Variants in NTRK3 observed in about 807,000 individuals in gnomAD.
NTRK3 encodes the protein neurotrophic receptor tyrosine kinase 3.
In NTRK3, 24 loss-of-function variants were observed where a neutral mutation model predicts 91.7. The ratio of observed to expected loss-of-function variants is 0.26; its 90% CI spans 0.19 to 0.37. The LOEUF (loss-of-function observed/expected upper bound fraction) is 0.37. NTRK3 is among the 10% of genes least tolerant of loss of function. The probability of loss-of-function intolerance (pLI) is 1.00; values close to 1 mark genes in which losing one functional copy is unlikely to be tolerated. For missense variants in NTRK3, 880 were observed against 1,068.9 expected, an observed-to-expected ratio of 0.82 and a Z score of 2.46; for synonymous variants, 483 against 404.0, an observed-to-expected ratio of 1.20 and a Z score of -2.34.
chr15:88,247,792 G>A (rs868713521), intron 3 of NTRK3, among the ~76,000 whole-genome samples: 4 of 152,256 alleles, frequency 2.6e-5, no homozygotes, highest in Middle Eastern at 3.4e-3. Flanking sequence ...CCCACACTAA[G>A]AGCTCATCCC....
At chr15:88,085,820 T>C (rs1199854992) in intron 13 of NTRK3, among the ~76,000 whole-genome samples, 2 of 152,232 alleles carry the variant, frequency 1.3e-5, no homozygotes, top group African/African-American at 4.8e-5. Context: ...TGTTCGTTTA[T>C]TACTTCATTC....
chr15:87,962,261 T>C (rs188200570), intron 14 of NTRK3, among the ~76,000 whole-genome samples: 1 of 152,184 alleles, frequency 6.6e-6, no homozygotes, highest in African/African-American at 2.4e-5. Flanking sequence ...TGCTCTGCTG[T>C]CTAAAGACCT....
intron 13 of NTRK3, among the ~76,000 whole-genome samples, chr15:88,036,454 C>A (rs1357523238): frequency 2.0e-5 from 3 of 151,220 alleles, no homozygotes; most frequent in African/African-American, 7.3e-5. Context: ...ACTCTAAGAA[C>A]AAAATAAAAG....
intron 14 of NTRK3, among the ~76,000 whole-genome samples, chr15:87,950,612 C>T (rs755644660): frequency 6.6e-6 from 1 of 152,190 alleles, no homozygotes; most frequent in Non-Finnish European, 1.5e-5. Flanking sequence ...CCGCATTTGG[C>T]AATTTACTAA....
intron 13 of NTRK3, chr15:88,098,391 C>T (rs893824010): frequency 2.3e-4 from 42 of 181,860 alleles, no homozygotes; most frequent in African/African-American, 9.9e-4. Flanking sequence ...CAGCTCCCAA[C>T]ATTAACAAGG....
At chr15:87,872,499 G>C (rs2064847725) in exon 19 of NTRK3, 1 of 228,394 alleles carries the variant, frequency 4.4e-6, no homozygotes, top group Non-Finnish European at 8.7e-6. Context: ...GCCTGCATGA[G>C]AGATGGGCAG....
intron 14 of NTRK3, among the ~76,000 whole-genome samples, chr15:88,005,843 A>G (rs1283009975): frequency 1.3e-5 from 2 of 152,162 alleles, no homozygotes; most frequent in African/African-American, 4.8e-5. Context: ...TTAGCAACCT[A>G]TCAGAGATAG....
intron 17 of NTRK3, among the ~76,000 whole-genome samples, chr15:87,923,626 C>T (rs891918303): frequency 1.3e-5 from 2 of 152,160 alleles, no homozygotes; most frequent in Admixed American, 1.3e-4. Context: ...CTAGGTAAGC[C>T]TTGTCCATTT....
At chr15:88,033,198 ATATATATATATATATAT>A (rs2078738972) in intron 13 of NTRK3, among the ~76,000 whole-genome samples, 153 bp from the exon 14 acceptor site, 1 of 130,290 alleles carries the variant, frequency 7.7e-6, no homozygotes, top group Non-Finnish European at 1.6e-5. Context: ...ATATATATAT[ATATATATATATATATAT>A]AAATTCAGTT....
chr15:88,079,837 TA>T (rs1275448183), intron 13 of NTRK3, among the ~76,000 whole-genome samples: 1 of 152,132 alleles, frequency 6.6e-6, no homozygotes, highest in Admixed American at 6.5e-5. Context: ...AAAATAAAAA[TA>T]AAAATCACCC....
At chr15:88,029,214 G>A (rs1325854673) in intron 14 of NTRK3, among the ~76,000 whole-genome samples, 3 of 152,152 alleles carry the variant, frequency 2.0e-5, no homozygotes, top group Non-Finnish European at 4.4e-5. Flanking sequence ...TCTTTATTCC[G>A]CTCTTTCGGA....
intron 13 of NTRK3, among the ~76,000 whole-genome samples, chr15:88,037,574 G>A (rs1044701509): frequency 6.6e-6 from 1 of 152,058 alleles, no homozygotes; most frequent in African/African-American, 2.4e-5. Flanking sequence ...AAGAAAGAAA[G>A]AAAGAAAGCA....
Position 88,139,550 on chromosome 15 carries a change from C to T in NTRK3, c.465-1989G>A, listed in dbSNP as rs541037225. ...ACACCGGAGGCAGAATGTGCAAATACCCCTATGTGGTATCATCCTCTTAGC... is the reference window on the plus strand; with the variant it reads ...ACACCGGAGGCAGAATGTGCAAATATCCCTATGTGGTATCATCCTCTTAGC... On this transcript the variant is annotated intron_variant, in intron 6 of 18. Coordinates refer to ENST00000394480, the Ensembl canonical transcript of NTRK3. 2.6e-5 allele frequency among the ~76,000 whole-genome samples: 4 copies of T among 152,296 alleles called. No individual in the cohort carries two copies. In the East Asian group the frequency reaches 7.7e-4, roughly 29 times the overall value.
chr15:88,082,773 C>T (rs767406792), intron 13 of NTRK3, among the ~76,000 whole-genome samples: 1 of 152,086 alleles, frequency 6.6e-6, no homozygotes, highest in African/African-American at 2.4e-5. Flanking sequence ...CCCACTAAGC[C>T]GGGAAGGAAA....
chr15:87,988,871 A>G (rs1320768664), intron 14 of NTRK3, among the ~76,000 whole-genome samples: 2 of 152,170 alleles, frequency 1.3e-5, no homozygotes, highest in Non-Finnish European at 2.9e-5. Context: ...CATACATAAT[A>G]ACAAACATGC....
At chr15:88,086,185 C>A (rs901831330) in intron 13 of NTRK3, among the ~76,000 whole-genome samples, 4 of 152,246 alleles carry the variant, frequency 2.6e-5, no homozygotes, top group African/African-American at 9.6e-5. Flanking sequence ...GTTACCCAGT[C>A]TCACGACTGC....
intron 17 of NTRK3, among the ~76,000 whole-genome samples, chr15:87,905,794 A>G (rs545868376): frequency 6.6e-6 from 1 of 152,338 alleles, no homozygotes; most frequent in African/African-American, 2.4e-5. Flanking sequence ...CCCCAGGAAC[A>G]CTGACTCACT....
At chr15:88,145,455 T>C (rs1478470630) in intron 6 of NTRK3, among the ~76,000 whole-genome samples, 1 of 152,156 alleles carries the variant, frequency 6.6e-6, no homozygotes, top group East Asian at 1.9e-4. Flanking sequence ...GGAGGGAATG[T>C]CTTCATTCCT....
chr15:88,119,913 C>T (rs2052518603), intron 13 of NTRK3, among the ~76,000 whole-genome samples: 1 of 152,184 alleles, frequency 6.6e-6, no homozygotes, highest in Non-Finnish European at 1.5e-5. Context: ...TCAGTCACCT[C>T]GGATATCTCC....
Sources: gnomAD v4.1 joint callset for allele counts (sites outside exome capture counted in the v4.1 genomes callset) on GRCh38, gnomAD v4.1.1 for gene constraint, MANE v1.5 for transcripts, NCBI Gene and HGNC (gene_info 2026-07-23, HGNC 2026-07-21) for gene names.